OPA3: variants seen among roughly 807,000 people sequenced by gnomAD.
OPA3 encodes optic atrophy 3 protein.
In OPA3, 6 loss-of-function variants were observed where a neutral mutation model predicts 4.0. The observed-to-expected ratio is 1.51, with a 90% CI of 0.83 to 2.99. The LOEUF (loss-of-function observed/expected upper bound fraction) is 2.99, where lower values mean the gene tolerates loss of function less well. OPA3 is among the 30% of genes most tolerant of loss of function. The probability of loss-of-function intolerance (pLI) is 0.00; values close to 1 mark genes in which losing one functional copy is unlikely to be tolerated. For missense variants in OPA3, 235 were observed against 256.2 expected, an observed-to-expected ratio of 0.92 and a Z score of 0.56; for synonymous variants, 105 against 117.1, an observed-to-expected ratio of 0.90 and a Z score of 0.67.
At position 45,552,638 on chromosome 19, in the gene OPA3, C is replaced by G. The variant is rs942515622; in HGVS notation, c.*876G>C. Reference sequence around the variant, plus strand: ...TCAAGCAATTCTCCTGCCTCAGCCTCCCAAGTAGCTAGGATTACAGGCACC... The same window carrying G: ...TCAAGCAATTCTCCTGCCTCAGCCTGCCAAGTAGCTAGGATTACAGGCACC... On this transcript the variant is annotated 3_prime_UTR_variant, in exon 2 of 2. Transcript: ENST00000263275. 2 of 152,270 alleles carry G rather than the reference C, an allele frequency of 1.3e-5. No homozygotes were observed. Among genetic ancestry groups the G allele is most frequent in the African/African-American group, 4.8e-5 (2 of 41,354 alleles). The allele number at this position is 152,270 out of a possible 1,614,324, so 9.4% of individuals were successfully genotyped here. A position where few individuals can be genotyped will look rare whatever the true frequency, so the allele number is the denominator to read the frequency against.
At chr19:45,544,590 T>C (rs1969223622), downstream of OPA3, among the ~76,000 whole-genome samples, 5 of 151,430 alleles carry the variant, frequency 3.3e-5, no homozygotes, top group South Asian at 1.0e-3. Flanking sequence ...AGGTCGGGAG[T>C]TCGAGACCAG....
rs1194417590 is a variant in OPA3, at chr19:45,584,678, C to T, written c.87G>A (p.Glu29=). ...TGAAGAACTCGCTTCGGCGGGCGGCCTCCTTAATACGGTTGGCAAGCGGCT... is the reference window on the plus strand; with the variant it reads ...TGAAGAACTCGCTTCGGCGGGCGGCTTCCTTAATACGGTTGGCAAGCGGCT... ...VSKPLANRIK[E]AARRSEFFKT... Residue 29 remains glutamate, a synonymous_variant, in exon 1 of 2, where the codon GAG becomes GAA. Transcript: ENST00000263275. 3.1e-6 allele frequency: 5 copies of T among 1,614,092 alleles called. No individual in the cohort carries two copies. The highest frequency in any genetic ancestry group is 3.4e-6 in the Non-Finnish European group (4 of 1,180,052).
chr19:45,564,840 C>CT (rs927003400), intron 1 of OPA3, among the ~76,000 whole-genome samples: 1 of 152,280 alleles, frequency 6.6e-6, no homozygotes, highest in East Asian at 1.9e-4. Flanking sequence ...CCTAATGTGA[C>CT]TTTTTTATGC....
rs181576269 is a variant in OPA3 at position 45,546,826 on chromosome 19, C to G, written c.*6688G>C. ...GATTACAGATGTGCACCACCACACC[C>G]GGCTAATTTTTGTATTCTTTTTATT... is the stretch of plus-strand genomic sequence containing the variant. On this transcript the variant is annotated 3_prime_UTR_variant, in exon 2 of 2. Coordinates refer to ENST00000263275, the MANE Select transcript of OPA3 (RefSeq NM_025136.4). 1 of 152,080 alleles carries G rather than the reference C, an allele frequency of 6.6e-6. No individual in the cohort carries two copies. The highest frequency in any genetic ancestry group is 2.4e-5 in the African/African-American group (1 of 41,418). 9.4% of individuals were successfully genotyped at this position (152,080 alleles called of 1,614,324 possible). A position where few individuals can be genotyped will look rare whatever the true frequency, so the allele number is the denominator to read the frequency against.
chr19:45,527,624 G>C (rs1969006816), exon 2 of OPA3: 1 of 152,058 alleles, frequency 6.6e-6, no homozygotes, highest in Admixed American at 6.6e-5. Context: ...GCCTAGGTTG[G>C]TCTCTAACTC....
chr19:45,568,866 C>T (rs1397661398), intron 1 of OPA3, among the ~76,000 whole-genome samples: 1 of 152,108 alleles, frequency 6.6e-6, no homozygotes, highest in Non-Finnish European at 1.5e-5. Context: ...ATGAGGCACC[C>T]CTCTGTGCCC....
intron 1 of OPA3, among the ~76,000 whole-genome samples, chr19:45,576,601 G>A (rs902737394): frequency 6.6e-6 from 1 of 151,286 alleles, no homozygotes; most frequent in African/African-American, 2.4e-5. Context: ...GTGTCCGCAG[G>A]GCTGTGTTCC....
rs1158042287 is a variant in OPA3 at position 45,548,352 on chromosome 19, G to A, written c.*5162C>T. ...CTGCCCTACAGAGAAACCAACAAGA[G>A]GGACAGCAGGGCCTGCCAGGAGATG... On this transcript the variant is annotated 3_prime_UTR_variant, in exon 2 of 2. Coordinates refer to ENST00000263275, the MANE Select transcript of OPA3 (RefSeq NM_025136.4). 4.1e-6 allele frequency: 4 copies of A among 985,466 alleles called. No homozygotes were observed. The highest frequency in any genetic ancestry group is 1.7e-5 in the African/African-American group (1 of 57,264). The allele number at this position is 985,466 out of a possible 1,614,324, so 61.0% of individuals were successfully genotyped here. A position where few individuals can be genotyped will look rare whatever the true frequency, so the allele number is the denominator to read the frequency against.
At chr19:45,583,992 T>C (rs909272299) in intron 1 of OPA3, among the ~76,000 whole-genome samples, 6 of 152,218 alleles carry the variant, frequency 3.9e-5, no homozygotes, top group African/African-American at 1.4e-4. Context: ...GTCAACCGAA[T>C]GAAAGGACGG....
At chr19:45,576,507 C>A in intron 1 of OPA3, among the ~76,000 whole-genome samples, 1 of 148,526 alleles carries the variant, frequency 6.7e-6, no homozygotes, top group Admixed American at 6.8e-5. Context: ...CACTGCACTG[C>A]AATCTGGGCA....
At chr19:45,562,557 C>T (rs910971464) in intron 1 of OPA3, among the ~76,000 whole-genome samples, 17 of 150,020 alleles carry the variant, frequency 1.1e-4, no homozygotes, top group East Asian at 2.0e-4. Context: ...GGTGTGATGG[C>T]GCACGCCTGT....
At chr19:45,544,789 C>T (rs190735776), downstream of OPA3, among the ~76,000 whole-genome samples, 3 of 116,682 alleles carry the variant, frequency 2.6e-5, no homozygotes, top group East Asian at 3.2e-4. Flanking sequence ...AGCAAAACTC[C>T]GTCTCAAAAT....
intron 1 of OPA3, among the ~76,000 whole-genome samples, chr19:45,574,396 CAAAAAAA>C (rs779877314): frequency 4.1e-5 from 3 of 72,554 alleles, no homozygotes; most frequent in East Asian, 4.9e-4. Flanking sequence ...GACTCTGTCT[CAAAAAAA>C]AAAAAAAAAA....
At chr19:45,558,367 C>T (rs752284384) in intron 1 of OPA3, among the ~76,000 whole-genome samples, 1 of 151,976 alleles carries the variant, frequency 6.6e-6, no homozygotes, top group African/African-American at 2.4e-5. Flanking sequence ...TACCATTCCC[C>T]GTCGCCCCAC....
At chr19:45,528,737 T>C (rs540138385) in exon 2 of OPA3, 2 of 315,950 alleles carry the variant, frequency 6.3e-6, no homozygotes, top group East Asian at 1.1e-4. Context: ...TACCTAGCGG[T>C]AGGGAGGTGG....
At chr19:45,537,021 G>GT (rs1969125770) in intron 1 of OPA3, among the ~76,000 whole-genome samples, 1 of 152,056 alleles carries the variant, frequency 6.6e-6, no homozygotes, top group Admixed American at 6.6e-5. Context: ...CTTCAGAGAA[G>GT]GGGTTCAAGA....
chr19:45,580,305 T>G (rs565002563), intron 1 of OPA3, among the ~76,000 whole-genome samples: 593 of 150,368 alleles, frequency 3.9e-3, no homozygotes, highest in Non-Finnish European at 7.1e-3. Flanking sequence ...TTTTTTTTTT[T>G]TTTTTGAGAC....
intron 1 of OPA3, among the ~76,000 whole-genome samples, chr19:45,532,836 C>G (rs115300904): frequency 2.0e-5 from 3 of 152,072 alleles, no homozygotes; most frequent in Non-Finnish European, 4.4e-5. Flanking sequence ...ACCTCAGCCT[C>G]GTAAAGTGCT....
In OPA3 at chr19:45,547,977, GT is replaced by G. The variant is rs1969275714; in HGVS notation, c.*5536del. 1 of 389,818 alleles carries G rather than the reference GT, an allele frequency of 2.6e-6. No individual in the cohort carries two copies. The highest frequency in any genetic ancestry group is 3.5e-6 in the Non-Finnish European group (1 of 285,772). The allele number at this position is 389,818 out of a possible 1,614,324, so 24.1% of individuals were successfully genotyped here. On this transcript the variant is annotated 3_prime_UTR_variant, in exon 2 of 2. Coordinates refer to ENST00000263275, the MANE Select transcript of OPA3 (RefSeq NM_025136.4). ...CTCCCAAAGTGCTGAGATTACAGGT[GT>G]GAGCCACCACGCCTGGCCACTCTTT... is the stretch of plus-strand genomic sequence containing the variant.
Sources: gnomAD v4.1 joint callset for allele counts (sites outside exome capture counted in the v4.1 genomes callset) on GRCh38, gnomAD v4.1.1 for gene constraint, MANE v1.5 for transcripts, NCBI Gene and HGNC (gene_info 2026-07-23, HGNC 2026-07-21) for gene names.